Variants in AGAP1 observed in about 807,000 individuals in gnomAD.
The protein encoded by AGAP1 is ArfGAP with GTPase domain, ankyrin repeat and PH domain 1, also known as arf-GAP with GTPase, ANK repeat and PH domain-containing protein 1.
In AGAP1, 29 loss-of-function variants were observed where a neutral mutation model predicts 105.3. That is an observed-to-expected ratio of 0.28 (90% CI 0.21 to 0.38). The LOEUF is 0.38. Ranked by LOEUF, AGAP1 falls within the 10% of genes least tolerant of loss-of-function variation. The pLI is 1.00. For synonymous variants in AGAP1, 509 were observed against 485.9 expected (o/e 1.05, Z -0.63); for missense variants, 998 against 1,165.1 (o/e 0.86, Z 2.09).
rs2052689619 is a variant in AGAP1 at position 235,930,853 on chromosome 2, C to A, written c.1413C>A (p.Arg471=). The A allele has an allele frequency of 6.2e-7, 1 of 1,614,202 alleles. No individual in the cohort carries two copies. The highest frequency in any genetic ancestry group is 1.1e-5 in the South Asian group (1 of 91,088). ...GCCGACCCGACGGCATGCACCAGCG[C>A]TCCTACTCAGTCTCCAGTGCCGACC... is the stretch of plus-strand genomic sequence containing the variant. The part of the protein sequence containing the change: ...FNSRPDGMHQ[R]SYSVSSADQW... Residue 471 remains arginine, a synonymous_variant, in exon 12 of 18, where the codon CGC becomes CGA. Coordinates refer to ENST00000304032, the MANE Select transcript of AGAP1 (RefSeq NM_001037131.3). This position sits in a 1 kb window ranked among gnomAD's most constrained non-coding sequence, Gnocchi z 7.9.
chr2:235,946,282 TCC>T (rs1379890658), intron 12 of AGAP1, among the ~76,000 whole-genome samples: 12 of 135,342 alleles, frequency 8.9e-5, no homozygotes, highest in South Asian at 2.6e-4. Context: ...AGGCTTTTTT[TCC>T]TTTTTTTTTT....
chr2:235,806,230 C>T, intron 8 of AGAP1, among the ~76,000 whole-genome samples: 1 of 152,200 alleles, frequency 6.6e-6, no homozygotes, highest in East Asian at 1.9e-4. Context: ...TATATCATCT[C>T]AGATTTGAAA....
At chr2:235,924,941 A>G (rs1315739502) in intron 11 of AGAP1, among the ~76,000 whole-genome samples, 2 of 116,624 alleles carry the variant, frequency 1.7e-5, no homozygotes, top group Non-Finnish European at 3.4e-5. Context: ...GCCCGTGTCC[A>G]CACCCAGAGG....
At position 235,732,344 on chromosome 2, in the gene AGAP1, CCTTA is replaced by C. The variant is rs1249677381; in HGVS notation, c.311-8615_311-8612del. On this transcript the variant is annotated intron_variant, in intron 3 of 17. Transcript: ENST00000304032. This position sits in a 1 kb window ranked among gnomAD's most constrained non-coding sequence, Gnocchi z 4.8. ...AGCTTTCAGCCTTGTCTCTTCTGCTCCTTACTTTTTCTAATTTTATTCATCAGTT... is the reference window on the plus strand; with the variant it reads ...AGCTTTCAGCCTTGTCTCTTCTGCTCCTTTTTCTAATTTTATTCATCAGTT... 8.5e-5 allele frequency among the ~76,000 whole-genome samples: 13 copies of C among 152,280 alleles called. No homozygotes were observed. The South Asian group carries it at 1.0e-3, about 12-fold the overall frequency.
intron 9 of AGAP1, among the ~76,000 whole-genome samples, chr2:235,835,299 C>G (rs1960009213): frequency 6.6e-6 from 1 of 152,216 alleles, no homozygotes; most frequent in African/African-American, 2.4e-5. Context: ...ACACCCCAAC[C>G]CTGGTCTGGT....
At chr2:235,670,227 C>T (rs1948310412) in intron 1 of AGAP1, 3 of 569,234 alleles carry the variant, frequency 5.3e-6, no homozygotes, top group South Asian at 1.9e-5. Context: ...CAGCTGGCCG[C>T]GCCGGGCTCC....
At chr2:235,735,357 A>G (rs1185131548) in intron 3 of AGAP1, among the ~76,000 whole-genome samples, 2 of 152,220 alleles carry the variant, frequency 1.3e-5, no homozygotes, top group African/African-American at 2.4e-5. Flanking sequence ...TAAAGCAGAA[A>G]TGACAGCATA....
At position 235,865,359 on chromosome 2, in the gene AGAP1, G is replaced by A. The variant is rs1274781181; in HGVS notation, c.1051-17986G>A. Among the ~76,000 whole-genome samples, 1 of 152,172 alleles carries A rather than the reference G, an allele frequency of 6.6e-6. No individual in the cohort carries two copies. The highest frequency in any genetic ancestry group is 1.5e-5 in the Non-Finnish European group (1 of 68,032). ...GCGGGTGAGCTGACCTGTGTGTGGC[G>A]CAGCCTTGGGTTCCGCAAATAGGGC... is the stretch of plus-strand genomic sequence containing the variant. On this transcript the variant is annotated intron_variant, in intron 9 of 17. Coordinates refer to ENST00000304032, the MANE Select transcript of AGAP1 (RefSeq NM_001037131.3). The surrounding 1 kb of genome is among the most constrained non-coding windows in gnomAD (Gnocchi z 6.2).
chr2:236,075,435 G>A (rs574504111), intron 16 of AGAP1, among the ~76,000 whole-genome samples: 2 of 152,324 alleles, frequency 1.3e-5, no homozygotes, highest in East Asian at 3.9e-4. Context: ...AATGGGGGAT[G>A]AAGCCGCAAA....
At chr2:235,836,761 G>A (rs1027392569) in intron 9 of AGAP1, among the ~76,000 whole-genome samples, 1 of 152,162 alleles carries the variant, frequency 6.6e-6, no homozygotes, top group African/African-American at 2.4e-5. Context: ...CAGCCCTGAA[G>A]AATCAAGTTC....
chr2:235,727,071 C>G (rs967113721), intron 3 of AGAP1, among the ~76,000 whole-genome samples: 13 of 152,146 alleles, frequency 8.5e-5, no homozygotes, highest in Non-Finnish European at 1.6e-4. Flanking sequence ...ATAGCTACAG[C>G]AAAAGACTCT....
At position 235,692,360 on chromosome 2, in the gene AGAP1, C is replaced by T. The variant is rs897421950; in HGVS notation, c.164-16819C>T. 1.3e-5 allele frequency among the ~76,000 whole-genome samples: 2 copies of T among 152,102 alleles called. No homozygotes were observed. Among genetic ancestry groups the T allele is most frequent in the African/African-American group, 4.8e-5 (2 of 41,418 alleles). On this transcript the variant is annotated intron_variant, in intron 1 of 17. Coordinates refer to ENST00000304032, the MANE Select transcript of AGAP1 (RefSeq NM_001037131.3). The surrounding 1 kb of genome is among the most constrained non-coding windows in gnomAD (Gnocchi z 5.8). ...CTCCAGCACTGGGCCGTCCACTTTG[C>T]TCCTTTGTGCCTGCACTGCCAGGTG...
At chr2:235,743,518 A>T (rs1399583377) in intron 4 of AGAP1, among the ~76,000 whole-genome samples, 1 of 152,140 alleles carries the variant, frequency 6.6e-6, no homozygotes, top group African/African-American at 2.4e-5. Context: ...GGGAGCTGCT[A>T]TCACGATCTT....
At position 235,845,674 on chromosome 2, in the gene AGAP1, G is replaced by T. The variant is rs1961394096; in HGVS notation, c.1051-37671G>T. On this transcript the variant is annotated intron_variant, in intron 9 of 17. Transcript: ENST00000304032. The surrounding 1 kb of genome is among the most constrained non-coding windows in gnomAD (Gnocchi z 4.8). ...TATAATCTGCTTGTCTTTGCCTCTC[G>T]GTGACATCCACGGAGTCACCCAAGT... Among the ~76,000 whole-genome samples the T allele has an allele frequency of 6.6e-6, 1 of 151,428 alleles. No individual in the cohort carries two copies. The highest frequency in any genetic ancestry group is 1.5e-5 in the Non-Finnish European group (1 of 67,928).
At chr2:235,968,737 T>G (rs2054515894) in intron 13 of AGAP1, 114 bp downstream of exon 13, 1 of 1,097,298 alleles carries the variant, frequency 9.1e-7, no homozygotes, top group Non-Finnish European at 1.3e-6. Flanking sequence ...GTAATGCTGG[T>G]CACCGTATGT....
At chr2:235,804,328 T>TA (rs1183300056) in intron 8 of AGAP1, among the ~76,000 whole-genome samples, 1 of 152,234 alleles carries the variant, frequency 6.6e-6, no homozygotes, top group Non-Finnish European at 1.5e-5. Context: ...ATAATGTTGA[T>TA]ACCATTAAAC....
chr2:235,803,187 A>G (rs527361292), intron 8 of AGAP1, among the ~76,000 whole-genome samples: 13 of 143,064 alleles, frequency 9.1e-5, no homozygotes, highest in East Asian at 6.0e-4. Flanking sequence ...GATGGTGATG[A>G]TGGTTGTGGT....
chr2:235,713,965 A>G (rs1015881702), intron 2 of AGAP1, among the ~76,000 whole-genome samples: 1 of 152,148 alleles, frequency 6.6e-6, no homozygotes, highest in Admixed American at 6.5e-5. Context: ...ACACCTCGTA[A>G]TACAATCACC....
chr2:235,732,044 C>T lies in AGAP1; in HGVS notation c.311-8919C>T, dbSNP rs1196415980. Among the ~76,000 whole-genome samples the T allele has an allele frequency of 6.6e-6, 1 of 152,180 alleles. No individual in the cohort carries two copies. Among genetic ancestry groups the T allele is most frequent in the Non-Finnish European group, 1.5e-5 (1 of 68,034 alleles). ...TTTCTGCAGACCTTGGTTTTCTCAT[C>T]TTGAAAGTTGTGAATCTGTGTCACA... is the stretch of plus-strand genomic sequence containing the variant. On this transcript the variant is annotated intron_variant, in intron 3 of 17. Transcript: ENST00000304032. This position sits in a 1 kb window ranked among gnomAD's most constrained non-coding sequence, Gnocchi z 4.8.
Sources: allele counts gnomAD v4.1 joint callset (sites outside exome capture counted in the v4.1 genomes callset), GRCh38; gene constraint gnomAD v4.1.1; non-coding constraint Gnocchi (gnomAD v3.1); transcripts MANE v1.5; gene names NCBI Gene and HGNC (gene_info 2026-07-23, HGNC 2026-07-21).